OVCH1: variants seen among roughly 807,000 people sequenced by gnomAD.
OVCH1 encodes ovochymase-1.
OVCH1 carries 139 observed loss-of-function variants against 138.4 expected under a neutral mutation model. That is an observed-to-expected ratio of 1.00 (90% CI 0.87 to 1.16). The LOEUF is 1.16. OVCH1 is among the 50% of genes most tolerant of loss of function. The pLI is 0.00. For missense variants in OVCH1, 1,367 were observed against 1,357.9 expected, an observed-to-expected ratio of 1.01 and a Z score of -0.11; for synonymous variants, 453 against 467.8, an observed-to-expected ratio of 0.97 and a Z score of 0.41.
intron 3 of OVCH1, among the ~76,000 whole-genome samples, chr12:29,416,195 T>G (rs1946395904): frequency 6.6e-6 from 1 of 151,856 alleles, no homozygotes; most frequent in Admixed American, 6.6e-5. Flanking sequence ...AATGTAAAAG[T>G]GTAAGGCTAA....
At chr12:29,476,758 C>CGCGT (rs1472449079) in intron 12 of OVCH1, among the ~76,000 whole-genome samples, 2 of 5,210 alleles carry the variant, frequency 3.8e-4, no homozygotes, top group Non-Finnish European at 2.4e-3. Flanking sequence ...CACGCGCGCA[C>CGCGT]ACACACACAC....
downstream of OVCH1, among the ~76,000 whole-genome samples, chr12:29,426,923 C>CTAAT (rs1941189493): frequency 6.6e-6 from 1 of 152,204 alleles, no homozygotes; most frequent in Admixed American, 6.5e-5. Flanking sequence ...TTCATTTTAA[C>CTAAT]TAATTTACAT....
chr12:29,476,160 C>A (rs779721203), intron 13 of OVCH1, 46 bp downstream of exon 13: 3 of 1,502,768 alleles, frequency 2.0e-6, no homozygotes, highest in East Asian at 4.5e-5. Context: ...TGCCACTACT[C>A]TGATTCGTCT....
chr12:29,405,856 A>C, the OVCH1 span, among the ~76,000 whole-genome samples: 47,059 of 152,084 alleles, frequency 0.31, 8,595 homozygotes, highest in Middle Eastern at 0.52. Flanking sequence ...GAATAAACAT[A>C]ATGTTTAGAG....
chr12:29,414,020 CTTTTT>C (rs74937229), intron 3 of OVCH1, among the ~76,000 whole-genome samples: 8 of 38,530 alleles, frequency 2.1e-4, no homozygotes, highest in African/African-American at 4.6e-4. Flanking sequence ...CTCTCTCTCT[CTTTTT>C]TTTTTTTTTT....
At chr12:29,441,246 A>T (rs1473080639) in intron 25 of OVCH1, among the ~76,000 whole-genome samples, 1 of 152,212 alleles carries the variant, frequency 6.6e-6, no homozygotes, top group Admixed American at 6.5e-5. Context: ...TAACCAAAAC[A>T]GCATGGCACT....
rs541375284 is a variant in OVCH1 at position 29,491,448 on chromosome 12, T to G, written c.455-256A>C. 5.9e-5 allele frequency among the ~76,000 whole-genome samples: 9 copies of G among 152,298 alleles called. No individual in the cohort carries two copies. The South Asian group carries it at 1.9e-3, about 32-fold the overall frequency. The stretch of plus-strand genomic sequence containing the variant: ...CACGAGCCCCCTAATGTACTAACAT[T>G]TTAGACTATGCCTGTGTTTTGAAAG... On this transcript the variant is annotated intron_variant, in intron 4 of 27. Transcript: ENST00000318184.
At chr12:29,486,141 A>T in intron 8 of OVCH1, 109 bp downstream of exon 8, 1 of 1,120,334 alleles carries the variant, frequency 8.9e-7, no homozygotes, top group Non-Finnish European at 1.3e-6. Context: ...GTTTACATTC[A>T]AAAATTTAAA....
intron 19 of OVCH1, among the ~76,000 whole-genome samples, chr12:29,457,805 A>G (rs1328314397): frequency 6.6e-6 from 1 of 152,192 alleles, no homozygotes; most frequent in Non-Finnish European, 1.5e-5. Flanking sequence ...TAGTAGCTAT[A>G]AAGGAAATAC....
At chr12:29,458,653 A>G (rs1942030883) in intron 19 of OVCH1, among the ~76,000 whole-genome samples, 2 of 152,204 alleles carry the variant, frequency 1.3e-5, no homozygotes, top group Admixed American at 1.3e-4. Flanking sequence ...ATAAGATCAT[A>G]TCATGTTAAA....
At chr12:29,447,128 A>C (rs184051873) in intron 22 of OVCH1, among the ~76,000 whole-genome samples, 1 of 152,202 alleles carries the variant, frequency 6.6e-6, no homozygotes, top group Non-Finnish European at 1.5e-5. Context: ...AAAAAGAATA[A>C]TACTCAAATT....
exon 4 of OVCH1, chr12:29,495,370 T>G (rs1366136661): frequency 3.7e-6 from 6 of 1,613,244 alleles, no homozygotes; most frequent in Non-Finnish European, 4.2e-6. Flanking sequence ...GGGTAATAAT[T>G]TTTGAGACAG....
intron 12 of OVCH1, among the ~76,000 whole-genome samples, chr12:29,476,655 A>G (rs144344386): frequency 4.6e-5 from 7 of 152,176 alleles, no homozygotes; most frequent in African/African-American, 1.4e-4. Context: ...ACAATATTTT[A>G]TGCAGTTATT....
intron 22 of OVCH1, among the ~76,000 whole-genome samples, chr12:29,450,239 T>C (rs1344698523): frequency 6.6e-6 from 1 of 152,100 alleles, no homozygotes; most frequent in Non-Finnish European, 1.5e-5. Context: ...ACCTACAGAA[T>C]GGGAGAAAAT....
Position 29,413,069 on chromosome 12 carries a change from C to T in OVCH1, c.*72-344G>A, listed in dbSNP as rs150950851. ...TGGAGATGAGATCTTGCCATTTTGC[C>T]TGAGCTGGTCTCAAACTCCTGGCCT... On this transcript the variant is annotated intron_variant and NMD_transcript_variant, in intron 3 of 4. Coordinates refer to the OVCH1 transcript ENST00000539117. Among the ~76,000 whole-genome samples, 640 of 150,744 alleles carry T rather than the reference C, an allele frequency of 4.2e-3. 4 individuals are homozygous for T. Among genetic ancestry groups the T allele is most frequent in the Non-Finnish European group, 7.2e-3 (486 of 67,884 alleles).
At chr12:29,427,591 C>G in exon 28 of OVCH1, 1 of 1,551,382 alleles carries the variant, frequency 6.4e-7, no homozygotes, top group Non-Finnish European at 8.7e-7. Flanking sequence ...GAAAGTGAGC[C>G]CTTAGCAGGC....
In OVCH1 at chr12:29,476,753, GCGCACACACA is replaced by G. The variant is rs1403369525; in HGVS notation, c.1377+339_1377+348del. 7.1e-4 allele frequency among the ~76,000 whole-genome samples: 6 copies of G among 8,474 alleles called. No individual in the cohort carries two copies. In the Non-Finnish European group the frequency reaches 0.01, roughly 15 times the overall value. 5.6% of individuals were successfully genotyped at this position (8,474 alleles called of 152,430 possible). ...TGCCAAGCAGCATAAGTACACACGC[GCGCACACACA>G]CACACACACACACACACACACACAC... On this transcript the variant is annotated intron_variant, in intron 12 of 27. Transcript: ENST00000318184.
chr12:29,405,035 AAAAAAAAAAAAAAAAAAAAAAC>A, the OVCH1 span, among the ~76,000 whole-genome samples: 2 of 147,568 alleles, frequency 1.4e-5, no homozygotes, highest in Non-Finnish European at 3.0e-5. Flanking sequence ...AAAAAAAAAA[AAAAAAAAAAAAAAAAAAAAAAC>A]AAAAGAAATG....
chr12:29,471,746 G>T, intron 16 of OVCH1, 56 bp downstream of exon 16: 1 of 1,508,916 alleles, frequency 6.6e-7, no homozygotes, highest in Non-Finnish European at 8.9e-7. Flanking sequence ...TGTGTCCTAG[G>T]CATTACTTAC....
Sources: gnomAD v4.1 joint callset for allele counts (sites outside exome capture counted in the v4.1 genomes callset) on GRCh38, gnomAD v4.1.1 for gene constraint, MANE v1.5 for transcripts, NCBI Gene and HGNC (gene_info 2026-07-23, HGNC 2026-07-21) for gene names.